The following AKAP12 variants were observed in gnomAD, a reference collection of about 807,000 sequenced individuals.
AKAP12 encodes the protein A-kinase anchor protein 12.
A neutral mutation model predicts 79.9 loss-of-function variants in AKAP12; 32 were observed. The ratio of observed to expected loss-of-function variants is 0.40; its 90% CI spans 0.30 to 0.54. AKAP12 has a LOEUF of 0.54. AKAP12 is among the 20% of genes least tolerant of loss of function. The probability of loss-of-function intolerance (pLI) is 0.48; values close to 1 mark genes in which losing one functional copy is unlikely to be tolerated. For missense variants in AKAP12, 2,074 were observed against 2,177.0 expected, an observed-to-expected ratio of 0.95 and a Z score of 0.94; for synonymous variants, 808 against 857.0, an observed-to-expected ratio of 0.94 and a Z score of 1.00.
chr6:151,244,010 T>G (rs1797024002), intron 2 of AKAP12, among the ~76,000 whole-genome samples: 1 of 152,154 alleles, frequency 6.6e-6, no homozygotes, highest in African/African-American at 2.4e-5. Flanking sequence ...TTAGCCTTTC[T>G]ATATGTATTG....
intron 2 of AKAP12, among the ~76,000 whole-genome samples, chr6:151,264,137 T>C (rs1797497742): frequency 6.6e-6 from 1 of 152,014 alleles, no homozygotes; most frequent in Non-Finnish European, 1.5e-5. Flanking sequence ...AGGAAGAGAA[T>C]GGAGAACATC....
intron 2 of AKAP12, among the ~76,000 whole-genome samples, chr6:151,299,366 G>A (rs2114747300): frequency 6.6e-6 from 1 of 152,238 alleles, no homozygotes; most frequent in South Asian, 2.1e-4. Context: ...CTTCTACAGT[G>A]ATAAAGTGAG....
intron 2 of AKAP12, among the ~76,000 whole-genome samples, chr6:151,242,585 C>T (rs536864530): frequency 6.6e-6 from 1 of 152,344 alleles, no homozygotes; most frequent in East Asian, 1.9e-4. Context: ...ACACAAATGT[C>T]TTTTCAAAAG....
chr6:151,283,189 A>G (rs1392787769), intron 2 of AKAP12, among the ~76,000 whole-genome samples: 1 of 152,224 alleles, frequency 6.6e-6, no homozygotes, highest in Non-Finnish European at 1.5e-5. Context: ...GAACTAAACA[A>G]GAGGCACTCA....
intron 3 of AKAP12, among the ~76,000 whole-genome samples, chr6:151,341,521 G>C (rs1397887019): frequency 6.6e-6 from 1 of 152,182 alleles, no homozygotes; most frequent in Non-Finnish European, 1.5e-5. Flanking sequence ...GCTGGCGCCG[G>C]GCGCGGGGAG....
chr6:151,342,046 G>C (rs545762762), intron 3 of AKAP12, among the ~76,000 whole-genome samples: 2 of 152,364 alleles, frequency 1.3e-5, no homozygotes, highest in South Asian at 4.1e-4. Context: ...CTTGAAAGGG[G>C]AGTCGGGGGG....
At chr6:151,345,853 T>A (rs937715996) in intron 3 of AKAP12, among the ~76,000 whole-genome samples, 2 of 148,344 alleles carry the variant, frequency 1.3e-5, no homozygotes, top group African/African-American at 5.0e-5. Flanking sequence ...ATAAATGACA[T>A]TCGCATCCCC....
At chr6:151,280,765 C>T (rs547771353) in intron 2 of AKAP12, among the ~76,000 whole-genome samples, 6 of 151,924 alleles carry the variant, frequency 3.9e-5, no homozygotes, top group African/African-American at 1.4e-4. Flanking sequence ...TTCAGCCCCC[C>T]GAGTAGCTAG....
intron 2 of AKAP12, among the ~76,000 whole-genome samples, chr6:151,267,989 A>G (rs1345750365): frequency 1.3e-5 from 2 of 152,154 alleles, no homozygotes; most frequent in Non-Finnish European, 2.9e-5. Context: ...CCTGACTCCT[A>G]TGCATGCTCC....
intron 2 of AKAP12, among the ~76,000 whole-genome samples, chr6:151,264,998 A>G (rs950034185): frequency 6.6e-6 from 1 of 151,968 alleles, no homozygotes; most frequent in Non-Finnish European, 1.5e-5. Context: ...AAAAAGACAA[A>G]AAATTAGCCG....
intron 2 of AKAP12, among the ~76,000 whole-genome samples, chr6:151,250,549 T>A (rs1757174755): frequency 6.6e-6 from 1 of 151,998 alleles, no homozygotes; most frequent in Admixed American, 6.6e-5. Context: ...TCGTGTGTTC[T>A]TTTAAGCTTA....
intron 3 of AKAP12, among the ~76,000 whole-genome samples, chr6:151,310,193 T>C (rs1311673014): frequency 6.6e-6 from 1 of 151,752 alleles, no homozygotes; most frequent in African/African-American, 2.4e-5. Context: ...TGAAACCCCG[T>C]CTCTACTAAA....
At chr6:151,296,931 A>G (rs1332475600) in intron 2 of AKAP12, among the ~76,000 whole-genome samples, 2 of 151,924 alleles carry the variant, frequency 1.3e-5, no homozygotes, top group Non-Finnish European at 2.9e-5. Context: ...CCATTTCTGC[A>G]TTTAGCCTCC....
At chr6:151,297,302 C>T (rs371379487) in intron 2 of AKAP12, among the ~76,000 whole-genome samples, 9 of 151,968 alleles carry the variant, frequency 5.9e-5, no homozygotes, top group African/African-American at 2.2e-4. Context: ...ATGGGCTGGG[C>T]GCAGTGGCTC....
At chr6:151,281,000 C>T (rs1395165489) in intron 2 of AKAP12, among the ~76,000 whole-genome samples, 1 of 152,078 alleles carries the variant, frequency 6.6e-6, no homozygotes, top group Non-Finnish European at 1.5e-5. Flanking sequence ...TTAACAAGGT[C>T]ATGTTTAAAT....
At chr6:151,247,396 A>G (rs1797095694) in intron 2 of AKAP12, among the ~76,000 whole-genome samples, 1 of 152,074 alleles carries the variant, frequency 6.6e-6, no homozygotes, top group East Asian at 1.9e-4. Flanking sequence ...GCAAGACCCT[A>G]TCTCTATTTA....
intron 2 of AKAP12, among the ~76,000 whole-genome samples, chr6:151,267,518 G>A (rs1029192854): frequency 1.3e-5 from 2 of 152,178 alleles, no homozygotes; most frequent in Non-Finnish European, 2.9e-5. Flanking sequence ...GTGTGGAAGA[G>A]TCCACAGAAT....
intron 2 of AKAP12, among the ~76,000 whole-genome samples, chr6:151,255,054 G>C (rs942585185): frequency 6.6e-6 from 1 of 152,190 alleles, no homozygotes; most frequent in South Asian, 2.1e-4. Context: ...GCCGCTAGGA[G>C]GGCTGGACTG....
rs143545844 is a variant in AKAP12 at position 151,243,393 on chromosome 6, A to G, written c.162+2669A>G. 2.3e-4 allele frequency among the ~76,000 whole-genome samples: 35 copies of G among 152,322 alleles called. No homozygotes were observed. The East Asian group carries it at 6.4e-3, about 28-fold the overall frequency. On this transcript the variant is annotated intron_variant, in intron 2 of 4. Coordinates refer to ENST00000402676, the MANE Select transcript of AKAP12 (RefSeq NM_005100.4). The stretch of plus-strand genomic sequence containing the variant: ...TGCTATCTATTTAGCAATTGGATTT[A>G]CTTTCCTTTTTTTCTGCTAGTTTTA...
Sources: allele counts gnomAD v4.1 joint callset (sites outside exome capture counted in the v4.1 genomes callset), GRCh38; gene constraint gnomAD v4.1.1; transcripts MANE v1.5; gene names NCBI Gene and HGNC (gene_info 2026-07-23, HGNC 2026-07-21).